Variants in TMEM132B observed in about 807,000 individuals in gnomAD.
TMEM132B encodes transmembrane protein 132B.
A neutral mutation model predicts 90.8 loss-of-function variants in TMEM132B; 18 were observed. That is an observed-to-expected ratio of 0.20 (90% CI 0.14 to 0.29). The LOEUF is 0.29. TMEM132B is among the 10% of genes least tolerant of loss of function. TMEM132B has a pLI of 1.00. For missense variants in TMEM132B, 1,096 were observed against 1,326.8 expected (o/e 0.83, Z 2.70); for synonymous variants, 504 against 523.3 (o/e 0.96, Z 0.50).
intron 4 of TMEM132B, among the ~76,000 whole-genome samples, chr12:125,558,112 C>A (rs1055442279): frequency 1.3e-5 from 2 of 152,222 alleles, no homozygotes; most frequent in Admixed American, 6.5e-5. Context: ...AGAGGAAAGG[C>A]ACTGGAAGAC....
At chr12:125,236,489 G>T (rs1297050227) in intron 1 of TMEM132B, among the ~76,000 whole-genome samples, 1 of 152,128 alleles carries the variant, frequency 6.6e-6, no homozygotes, top group Admixed American at 6.5e-5. Flanking sequence ...CTATTCCATT[G>T]TTGGGGTAGA....
chr12:125,616,790 G>A (rs1016339469), intron 5 of TMEM132B, among the ~76,000 whole-genome samples: 1 of 152,196 alleles, frequency 6.6e-6, no homozygotes, highest in Non-Finnish European at 1.5e-5. Flanking sequence ...TGGAGATGTG[G>A]CCTTTGGGAG....
intron 4 of TMEM132B, among the ~76,000 whole-genome samples, chr12:125,579,485 C>A (rs548891468): frequency 1.3e-5 from 2 of 151,652 alleles, no homozygotes; most frequent in African/African-American, 4.8e-5. Flanking sequence ...CCTTAGCCTC[C>A]GAAGTAGCTG....
intron 1 of TMEM132B, among the ~76,000 whole-genome samples, chr12:125,271,785 A>G (rs1037358367): frequency 6.6e-6 from 1 of 151,798 alleles, no homozygotes; most frequent in Non-Finnish European, 1.5e-5. Context: ...TATTACCTTC[A>G]TATAATATAT....
intron 3 of TMEM132B, among the ~76,000 whole-genome samples, chr12:125,457,414 G>A (rs1000447414): frequency 1.4e-4 from 21 of 152,166 alleles, no homozygotes; most frequent in African/African-American, 5.1e-4. Context: ...GCATTCTGGG[G>A]TTCCTTGATC....
rs149757029 is a variant in TMEM132B at position 125,372,262 on chromosome 12, C to T, written c.959+21919C>T. The stretch of plus-strand genomic sequence containing the variant: ...ACAGGGATTGCTGACTTGGCGGAGC[C>T]TGTGTCCCCGGCTAGAACTGGCAGT... On this transcript the variant is annotated intron_variant, in intron 2 of 8. Transcript: ENST00000682704. Among the ~76,000 whole-genome samples, 581 of 152,358 alleles carry T rather than the reference C, an allele frequency of 3.8e-3. 5 individuals are homozygous for T. The highest frequency in any genetic ancestry group is 0.013 in the African/African-American group (538 of 41,580).
At chr12:125,516,076 C>T (rs11058216) in intron 3 of TMEM132B, among the ~76,000 whole-genome samples, 19,134 of 151,910 alleles carry the variant, frequency 0.13, 1,705 homozygotes, top group Admixed American at 0.3. Flanking sequence ...CACACACACT[C>T]TCACGCTATC....
intron 1 of TMEM132B, among the ~76,000 whole-genome samples, chr12:125,278,939 G>A (rs535007681): frequency 2.0e-5 from 3 of 152,302 alleles, no homozygotes; most frequent in South Asian, 2.1e-4. Flanking sequence ...GTAACCCAGC[G>A]AGGGAAGATC....
chr12:125,375,844 T>C (rs931387751), intron 2 of TMEM132B, among the ~76,000 whole-genome samples: 6 of 152,260 alleles, frequency 3.9e-5, no homozygotes, highest in African/African-American at 1.4e-4. Flanking sequence ...AGTTATCAGG[T>C]TCTGGAATGA....
At chr12:125,342,636 C>T (rs925394929) in intron 1 of TMEM132B, among the ~76,000 whole-genome samples, 2 of 152,180 alleles carry the variant, frequency 1.3e-5, no homozygotes, top group African/African-American at 2.4e-5. Flanking sequence ...CTTCCTCTCT[C>T]TCCCTGTCTG....
chr12:125,294,741 G>A (rs1260546640), intron 1 of TMEM132B, among the ~76,000 whole-genome samples: 5 of 152,306 alleles, frequency 3.3e-5, no homozygotes, highest in African/African-American at 1.2e-4. Flanking sequence ...AAGTCCTGCT[G>A]GTCACAGTAT....
chr12:125,590,903 G>C (rs753570899), intron 5 of TMEM132B, among the ~76,000 whole-genome samples: 3 of 152,164 alleles, frequency 2.0e-5, no homozygotes, highest in Non-Finnish European at 4.4e-5. Flanking sequence ...GTGGATACAG[G>C]GGTGAGAGTT....
chr12:125,496,725 G>T (rs191844942), intron 3 of TMEM132B, among the ~76,000 whole-genome samples: 1 of 152,144 alleles, frequency 6.6e-6, no homozygotes. Context: ...TGCTCTTCAC[G>T]TGCTGGGAGC....
intron 1 of TMEM132B, among the ~76,000 whole-genome samples, chr12:125,196,566 G>A (rs1166401271): frequency 6.6e-6 from 1 of 152,184 alleles, no homozygotes; most frequent in Non-Finnish European, 1.5e-5. Context: ...AAAATTAGCT[G>A]GGCATGGTGG....
Position 125,318,391 on chromosome 12 carries a change from T to C in TMEM132B, c.68-31061T>C, listed in dbSNP as rs183545824. 4.0e-4 allele frequency among the ~76,000 whole-genome samples: 61 copies of C among 152,242 alleles called. No individual in the cohort carries two copies. In the East Asian group the frequency reaches 5.4e-3, roughly 13 times the overall value. ...CTTTTATTTTTAGTTCTGGGGTACA[T>C]GTGCAGGGTGTGCAGATTTGTTACG... On this transcript the variant is annotated intron_variant, in intron 1 of 8. Coordinates refer to ENST00000682704, the MANE Select transcript of TMEM132B (RefSeq NM_001366854.1).
intron 2 of TMEM132B, among the ~76,000 whole-genome samples, chr12:125,365,518 T>A (rs1348632712): frequency 6.6e-6 from 1 of 152,254 alleles, no homozygotes; most frequent in African/African-American, 2.4e-5. Context: ...TTTCTGGGGA[T>A]CTAAGTTTTC....
chr12:125,534,062 A>T (rs2136704437), intron 4 of TMEM132B, among the ~76,000 whole-genome samples: 1 of 152,320 alleles, frequency 6.6e-6, no homozygotes, highest in African/African-American at 2.4e-5. Flanking sequence ...CGAACTTCAT[A>T]CTTCACGAAA....
intron 2 of TMEM132B, among the ~76,000 whole-genome samples, chr12:125,386,964 C>T (rs1878853415): frequency 6.6e-6 from 1 of 152,112 alleles, no homozygotes; most frequent in Admixed American, 6.5e-5. Context: ...GTGTGGTACT[C>T]ATAGTTAGTC....
At chr12:125,341,311 A>G (rs150448605) in intron 1 of TMEM132B, among the ~76,000 whole-genome samples, 108 of 152,316 alleles carry the variant, frequency 7.1e-4, no homozygotes, top group African/African-American at 2.4e-3. Flanking sequence ...CTCATAGTCA[A>G]AAGATTATCA....
Sources: gnomAD v4.1 joint callset for allele counts (sites outside exome capture counted in the v4.1 genomes callset) on GRCh38, gnomAD v4.1.1 for gene constraint, MANE v1.5 for transcripts, NCBI Gene and HGNC (gene_info 2026-07-23, HGNC 2026-07-21) for gene names.